FTO: variants seen among roughly 807,000 people sequenced by gnomAD.
FTO encodes FTO alpha-ketoglutarate dependent dioxygenase.
A neutral mutation model predicts 63.9 loss-of-function variants in FTO; 47 were observed. The observed-to-expected ratio is 0.74, with a 90% CI of 0.58 to 0.94. The LOEUF (loss-of-function observed/expected upper bound fraction) is 0.94. Ranked by LOEUF, FTO falls within the 40% of genes least tolerant of loss-of-function variation. FTO has a pLI of 0.00. For missense variants in FTO, 562 were observed against 618.1 expected (o/e 0.91, Z 0.96); for synonymous variants, 207 against 224.4 (o/e 0.92, Z 0.69).
intron 8 of FTO, among the ~76,000 whole-genome samples, chr16:53,987,653 A>C (rs1214318843): frequency 1.3e-5 from 2 of 151,856 alleles, no homozygotes; most frequent in Non-Finnish European, 2.9e-5. Context: ...GTTTGTGCAC[A>C]CAGAAATACA....
intron 8 of FTO, among the ~76,000 whole-genome samples, chr16:54,057,437 A>G (rs2085461105): frequency 6.6e-6 from 1 of 152,064 alleles, no homozygotes; most frequent in South Asian, 2.1e-4. Context: ...CCTATTACCT[A>G]TGGATGTCTT....
chr16:53,933,021 G>A (rs2082317198), intron 7 of FTO, among the ~76,000 whole-genome samples: 1 of 152,146 alleles, frequency 6.6e-6, no homozygotes, highest in Admixed American at 6.5e-5. Flanking sequence ...TTTAGGTGAT[G>A]TTGCCAGACA....
intron 3 of FTO, among the ~76,000 whole-genome samples, chr16:53,841,047 T>A: frequency 1.7e-5 from 1 of 59,520 alleles, no homozygotes; most frequent in African/African-American, 8.0e-5. Context: ...AACAGTATAT[T>A]ATGTATGAAT....
At chr16:53,721,370 A>ATAAGATTGATAACAAATTT (rs2076037092) in intron 1 of FTO, among the ~76,000 whole-genome samples, 1 of 152,232 alleles carries the variant, frequency 6.6e-6, no homozygotes, top group African/African-American at 2.4e-5. Flanking sequence ...ATAACAAATT[A>ATAAGATTGATAACAAATTT]TAAAATTGAT....
chr16:53,775,470 C>T (rs1241455324), intron 1 of FTO, among the ~76,000 whole-genome samples: 1 of 152,138 alleles, frequency 6.6e-6, no homozygotes, highest in African/African-American at 2.4e-5. Context: ...TGGTTTCTTT[C>T]ACCGTAACCA....
intron 7 of FTO, chr16:53,911,425 A>C (rs1315321122): frequency 1.8e-5 from 13 of 703,072 alleles, no homozygotes; most frequent in Non-Finnish European, 3.4e-5. Flanking sequence ...CGAACCCTGC[A>C]GGGAAGTTAA....
chr16:53,825,023 A>G (rs1176083211), intron 2 of FTO, among the ~76,000 whole-genome samples: 1 of 152,210 alleles, frequency 6.6e-6, no homozygotes, highest in African/African-American at 2.4e-5. Flanking sequence ...CTCCAGTGAC[A>G]CCAGTAGAAT....
chr16:53,763,225 C>T (rs2077113802), intron 1 of FTO, among the ~76,000 whole-genome samples: 1 of 151,784 alleles, frequency 6.6e-6, no homozygotes, highest in Non-Finnish European at 1.5e-5. Flanking sequence ...TTGTTTTGCC[C>T]CTGTGCCCAG....
intron 8 of FTO, among the ~76,000 whole-genome samples, chr16:54,004,985 G>C (rs535578041): frequency 6.6e-6 from 1 of 151,294 alleles, no homozygotes; most frequent in Non-Finnish European, 1.5e-5. Context: ...CAGGAGAATG[G>C]TGTGAACCTG....
At chr16:53,902,194 T>C (rs1033367768) in intron 7 of FTO, among the ~76,000 whole-genome samples, 2 of 152,162 alleles carry the variant, frequency 1.3e-5, no homozygotes, top group Non-Finnish European at 2.9e-5. Flanking sequence ...CTCTCTTCTT[T>C]ATATATTAGG....
chr16:53,872,735 C>A (rs1260321210), intron 4 of FTO, among the ~76,000 whole-genome samples: 2 of 152,178 alleles, frequency 1.3e-5, no homozygotes, highest in East Asian at 3.8e-4. Context: ...GTTGTTTTTG[C>A]TGATACATAA....
At chr16:54,078,073 G>A (rs2086044535) in intron 8 of FTO, among the ~76,000 whole-genome samples, 1 of 152,022 alleles carries the variant, frequency 6.6e-6, no homozygotes, top group African/African-American at 2.4e-5. Context: ...CTAAGAGTCA[G>A]TCTGCTTTTT....
intron 8 of FTO, among the ~76,000 whole-genome samples, chr16:54,041,232 T>C (rs894490510): frequency 6.6e-6 from 1 of 152,080 alleles, no homozygotes; most frequent in Non-Finnish European, 1.5e-5. Flanking sequence ...ACTTACATCA[T>C]GGTGGAAGGC....
intron 8 of FTO, among the ~76,000 whole-genome samples, chr16:53,944,388 ACCAGTAGAT>A (rs1413569870): frequency 6.6e-6 from 1 of 152,218 alleles, no homozygotes; most frequent in East Asian, 1.9e-4. Flanking sequence ...TGTGTTGGCT[ACCAGTAGAT>A]AGGTAGCTAT....
intron 7 of FTO, 50 bp from the exon 8 acceptor site, chr16:53,933,935 A>G (rs1303794354): frequency 3.8e-6 from 6 of 1,575,202 alleles, no homozygotes; most frequent in Non-Finnish European, 5.2e-6. Flanking sequence ...GCTTTTTTTT[A>G]TTATTAATTT....
chr16:53,960,504 GAC>G (rs2083048671), intron 8 of FTO, among the ~76,000 whole-genome samples: 1 of 152,210 alleles, frequency 6.6e-6, no homozygotes, highest in African/African-American at 2.4e-5. Flanking sequence ...TGTGCTTACA[GAC>G]ACAGTGTCAG....
chr16:53,904,733 G>C (rs1045244141), intron 7 of FTO, among the ~76,000 whole-genome samples: 1 of 152,082 alleles, frequency 6.6e-6, no homozygotes, highest in South Asian at 2.1e-4. Context: ...TTATGTTCCT[G>C]TTGGAATCTG....
intron 7 of FTO, among the ~76,000 whole-genome samples, chr16:53,889,427 G>C (rs2081092327): frequency 6.6e-6 from 1 of 152,330 alleles, no homozygotes; most frequent in African/African-American, 2.4e-5. Context: ...ACTCAGGCAG[G>C]CTGGCTCCAC....
intron 8 of FTO, chr16:53,991,747 G>A (rs577672377): frequency 6.6e-6 from 1 of 152,242 alleles, no homozygotes; most frequent in Non-Finnish European, 1.5e-5. Context: ...AGCTCTCATT[G>A]AATAACTCCA....
Sources: gnomAD v4.1 joint callset for allele counts (sites outside exome capture counted in the v4.1 genomes callset) on GRCh38, gnomAD v4.1.1 for gene constraint, MANE v1.5 for transcripts, NCBI Gene and HGNC (gene_info 2026-07-23, HGNC 2026-07-21) for gene names.